Variants in SCYL3 observed in about 807,000 individuals in gnomAD.
SCYL3 encodes SCY1 like pseudokinase 3, also known as protein-associating with the carboxyl-terminal domain of ezrin.
Under a neutral mutation model 73.8 loss-of-function variants are expected in SCYL3, and 35 were observed. The observed-to-expected ratio is 0.47, with a 90% CI of 0.36 to 0.63. The LOEUF is 0.63. Among genes scored for constraint, SCYL3 ranks in the 20% least tolerant of loss-of-function variants. The probability of loss-of-function intolerance (pLI) is 0.00; values close to 1 mark genes in which losing one functional copy is unlikely to be tolerated. For missense variants in SCYL3, 712 were observed against 798.9 expected, an observed-to-expected ratio of 0.89 and a Z score of 1.31; for synonymous variants, 277 against 295.2, an observed-to-expected ratio of 0.94 and a Z score of 0.63.
At chr1:169,868,416 T>C (rs1660183144) in intron 7 of SCYL3, among the ~76,000 whole-genome samples, 2 of 152,214 alleles carry the variant, frequency 1.3e-5, no homozygotes, top group South Asian at 4.1e-4. Flanking sequence ...CAAAAATATC[T>C]CTGAATCTAA....
intron 3 of SCYL3, 131 bp downstream of exon 3, chr1:169,878,503 G>T: frequency 1.3e-6 from 1 of 782,418 alleles, no homozygotes. Flanking sequence ...TTTTCCTCAG[G>T]AAGTTTTCTA....
chr1:169,853,842 A>T lies in SCYL3; in HGVS notation c.2008-70T>A, dbSNP rs12077794. On this transcript the variant is annotated intron_variant, in intron 12 of 12. Coordinates refer to ENST00000367771, the MANE Select transcript of SCYL3 (RefSeq NM_020423.7). Reference sequence around the variant, plus strand: ...TATGCAAAAATCATACGCAAATTTGAAAAAGCAGGAATTTAAAATTTATCT... The same window carrying T: ...TATGCAAAAATCATACGCAAATTTGTAAAAGCAGGAATTTAAAATTTATCT... 2.5e-3 allele frequency: 3,850 copies of T among 1,551,988 alleles called. 89 individuals carry two copies. In the African/African-American group the frequency reaches 0.046, roughly 19 times the overall value.
Position 169,854,311 on chromosome 1 carries a change from T to G in SCYL3, c.1966A>C (p.Met656Leu). Residue 656 changes from methionine (M) to leucine (L), a missense_variant, in exon 12 of 13, where the codon ATG (methionine) becomes CTG (leucine). By Grantham distance (15) the Met-to-Leu change is conservative. Transcript: ENST00000367771. ...VPKKDDVSPV[M>L]QFSSKFAAAE... is the part of the protein sequence containing the mutation. Reference sequence around the variant, plus strand: ...GCAGCAAATTTTGAGGAAAACTGCATCACTGGGGAGACATCATCCTTTTTT... The same window carrying G: ...GCAGCAAATTTTGAGGAAAACTGCAGCACTGGGGAGACATCATCCTTTTTT... The G allele has an allele frequency of 6.2e-7, 1 of 1,611,210 alleles. No individual in the cohort carries two copies. Among genetic ancestry groups the G allele is most frequent in the East Asian group, 2.2e-5 (1 of 44,862 alleles).
intron 3 of SCYL3, among the ~76,000 whole-genome samples, chr1:169,877,528 G>A (rs993244161): frequency 5.9e-5 from 9 of 152,094 alleles, no homozygotes; most frequent in Non-Finnish European, 1.3e-4. Context: ...TACTCCAAAA[G>A]ATAAATATTT....
intron 1 of SCYL3, among the ~76,000 whole-genome samples, chr1:169,889,202 T>G (rs766883509): frequency 1.6e-4 from 24 of 152,226 alleles, no homozygotes; most frequent in Non-Finnish European, 3.1e-4. Context: ...ACTTCCTAAC[T>G]CACTTGTATA....
At chr1:169,892,205 CTAATA>C (rs1662133152) in intron 1 of SCYL3, among the ~76,000 whole-genome samples, 3 of 152,310 alleles carry the variant, frequency 2.0e-5, no homozygotes, top group South Asian at 2.1e-4. Flanking sequence ...ATTCTTCACA[CTAATA>C]TATCTAAAGA....
Position 169,853,691 on chromosome 1 carries a change from A to AAAG in SCYL3, c.*19_*21dup, listed in dbSNP as rs1658727122. The AAAG allele has an allele frequency of 1.2e-6, 2 of 1,609,578 alleles. No homozygotes were observed. Among genetic ancestry groups the AAAG allele is most frequent in the Non-Finnish European group, 8.5e-7 (1 of 1,178,266 alleles). Reference sequence around the variant, plus strand: ...TTAAAAAAAGGGAATCCTTTTTCCTAAAGTTTAACTCACATCTATTGTCAC... The same window carrying AAAG: ...TTAAAAAAAGGGAATCCTTTTTCCTAAAGAAGTTTAACTCACATCTATTGTCAC... On this transcript the variant is annotated 3_prime_UTR_variant, in exon 13 of 13. Transcript: ENST00000367771.
chr1:169,872,566 C>T (rs1660482426), intron 5 of SCYL3, among the ~76,000 whole-genome samples: 1 of 152,180 alleles, frequency 6.6e-6, no homozygotes. Flanking sequence ...CCTCCAGATC[C>T]CAGAATGGTA....
At position 169,850,647 on chromosome 1, in the gene SCYL3, T is replaced by C. The variant is rs1658023969; in HGVS notation, c.*3066A>G. ...CCTGTTTCTACTAAAAATACAAAAA[T>C]TAGCCGGGCATGGTGGTACGCGCCT... is the stretch of plus-strand genomic sequence containing the variant. On this transcript the variant is annotated 3_prime_UTR_variant, in exon 13 of 13. Coordinates refer to ENST00000367771, the MANE Select transcript of SCYL3 (RefSeq NM_020423.7). 3 of 217,650 alleles carry C rather than the reference T, an allele frequency of 1.4e-5. No individual in the cohort carries two copies. In the Admixed American group the frequency reaches 1.5e-4, roughly 11 times the overall value. The allele number at this position is 217,650 out of a possible 1,614,324, so 13.5% of individuals were successfully genotyped here.
At position 169,850,582 on chromosome 1, in the gene SCYL3, G is replaced by GGA. The variant is rs1658007737; in HGVS notation, c.*3130_*3131insTC. 2.8e-6 allele frequency: 1 copy of GGA among 356,536 alleles called. No individual in the cohort carries two copies. The highest frequency in any genetic ancestry group is 2.1e-5 in the African/African-American group (1 of 48,232). The allele number at this position is 356,536 out of a possible 1,614,324, so 22.1% of individuals were successfully genotyped here. On this transcript the variant is annotated 3_prime_UTR_variant, in exon 13 of 13. Coordinates refer to ENST00000367771, the MANE Select transcript of SCYL3 (RefSeq NM_020423.7). Reference sequence around the variant, plus strand: ...GGAGGCCAAGGTGGGTGGATCATGAGGTCAGGAGTTCAAGACCAGCCTGGC... The same window carrying GGA: ...GGAGGCCAAGGTGGGTGGATCATGAGGAGTCAGGAGTTCAAGACCAGCCTGGC...
At chr1:169,864,264 G>C in intron 9 of SCYL3, 105 bp downstream of exon 9, 1 of 1,459,014 alleles carries the variant, frequency 6.9e-7, no homozygotes, top group South Asian at 1.2e-5. Flanking sequence ...TCCGTTTTTA[G>C]AACCAAACAT....
At position 169,852,118 on chromosome 1, in the gene SCYL3, A is replaced by G. The variant is rs1425133683; in HGVS notation, c.*1595T>C. The G allele has an allele frequency of 1.8e-5, 13 of 706,872 alleles. No homozygotes were observed. The highest frequency in any genetic ancestry group is 2.7e-5 in the East Asian group (1 of 36,494). 43.8% of individuals were successfully genotyped at this position (706,872 alleles called of 1,614,324 possible). A position where few individuals can be genotyped will look rare whatever the true frequency, so the allele number is the denominator to read the frequency against. ...TAAAATTAAGAAGTGGGACTACACC[A>G]TATCAAATATATTCTTTCAGTATGT... On this transcript the variant is annotated 3_prime_UTR_variant, in exon 13 of 13. Coordinates refer to ENST00000367771, the MANE Select transcript of SCYL3 (RefSeq NM_020423.7).
chr1:169,875,620 C>T (rs1400494576), intron 4 of SCYL3, among the ~76,000 whole-genome samples: 1 of 152,150 alleles, frequency 6.6e-6, no homozygotes, highest in Non-Finnish European at 1.5e-5. Context: ...AAGAGCCCAA[C>T]CAATGGAATA....
At chr1:169,883,771 T>C (rs2102205102) in intron 2 of SCYL3, among the ~76,000 whole-genome samples, 1 of 150,526 alleles carries the variant, frequency 6.6e-6, no homozygotes. Flanking sequence ...CAGGCTGCAT[T>C]GCAGTGGCAC....
chr1:169,878,581 T>A, intron 3 of SCYL3, 53 bp downstream of exon 3: 1 of 1,405,614 alleles, frequency 7.1e-7, no homozygotes, highest in Non-Finnish European at 9.7e-7. Context: ...CACATCACCC[T>A]CCCACCCCCA....
intron 1 of SCYL3, among the ~76,000 whole-genome samples, chr1:169,890,535 A>G (rs1301404747): frequency 4.6e-5 from 7 of 152,216 alleles, no homozygotes; most frequent in Admixed American, 4.6e-4. Flanking sequence ...GAAATTCCAT[A>G]CAACACCTTC....
intron 3 of SCYL3, among the ~76,000 whole-genome samples, chr1:169,877,985 A>G (rs1051518027): frequency 6.6e-6 from 1 of 152,184 alleles, no homozygotes; most frequent in Non-Finnish European, 1.5e-5. Flanking sequence ...ATCTTGGTGG[A>G]CTGCCAAAGA....
chr1:169,868,946 A>G lies in SCYL3; in HGVS notation c.719T>C (p.Leu240Pro). 1 of 1,613,714 alleles carries G rather than the reference A, an allele frequency of 6.2e-7. No individual in the cohort carries two copies. Among genetic ancestry groups the G allele is most frequent in the Non-Finnish European group, 8.5e-7 (1 of 1,179,628 alleles). The change falls in exon 7 of 13, where the codon CTA becomes CCA. Residue 240 changes from leucine to proline, a missense_variant. Transcript: ENST00000367771. ...CCCTCACCTGAAGAAGTCATGAGAT[A>G]GTAAGGTGCAGAGCGCTGGCCGACA... ...PKCRPALCTL[L>P]SHDFFRNDFL...
intron 7 of SCYL3, 115 bp from the exon 8 acceptor site, chr1:169,867,088 C>A: frequency 1.6e-6 from 1 of 616,668 alleles, no homozygotes; most frequent in South Asian, 2.1e-5. Flanking sequence ...TTCTCCTTTG[C>A]CATTTAAAGA....
Sources: allele counts gnomAD v4.1 joint callset (sites outside exome capture counted in the v4.1 genomes callset), GRCh38; gene constraint gnomAD v4.1.1; transcripts MANE v1.5; gene names NCBI Gene and HGNC (gene_info 2026-07-23, HGNC 2026-07-21).